The following CEP192 variants were observed in gnomAD, a reference collection of about 807,000 sequenced individuals.
The protein encoded by CEP192 is centrosomal protein of 192 kDa.
Under a neutral mutation model 271.8 loss-of-function variants are expected in CEP192, and 151 were observed. The observed-to-expected ratio is 0.56, with a 90% CI of 0.49 to 0.64. The LOEUF (loss-of-function observed/expected upper bound fraction) is 0.64, where lower values mean the gene tolerates loss of function less well. CEP192 is among the 30% of genes least tolerant of loss of function. The probability of loss-of-function intolerance (pLI) is 0.00; values close to 1 mark genes in which losing one functional copy is unlikely to be tolerated. For synonymous variants in CEP192, 995 were observed against 1,076.5 expected (o/e 0.92, Z 1.48); for missense variants, 2,910 against 3,020.5 (o/e 0.96, Z 0.86).
At chr18:12,997,370 G>C (rs535846772) in intron 1 of CEP192, among the ~76,000 whole-genome samples, 6 of 152,284 alleles carry the variant, frequency 3.9e-5, no homozygotes, top group East Asian at 3.9e-4. Context: ...GGGGCGGCAG[G>C]GGGGAATCTG....
intron 9 of CEP192, among the ~76,000 whole-genome samples, chr18:13,021,798 A>G (rs1313123478): frequency 2.6e-5 from 4 of 152,170 alleles, no homozygotes; most frequent in Non-Finnish European, 4.4e-5. Flanking sequence ...AGTGTTTTGT[A>G]GCTTTCAGTA....
chr18:13,003,296 A>G (rs2033763780), intron 3 of CEP192, among the ~76,000 whole-genome samples: 1 of 151,996 alleles, frequency 6.6e-6, no homozygotes, highest in South Asian at 2.1e-4. Context: ...CAAAAACACA[A>G]AAATTAGCCA....
chr18:13,009,250 G>A (rs2034184631), intron 4 of CEP192, among the ~76,000 whole-genome samples: 1 of 152,016 alleles, frequency 6.6e-6, no homozygotes, highest in Non-Finnish European at 1.5e-5. Context: ...TACTTTTATA[G>A]GAAAGGTCTC....
chr18:13,119,277 ATTC>A (rs2040562039), intron 44 of CEP192, among the ~76,000 whole-genome samples: 1 of 152,204 alleles, frequency 6.6e-6, no homozygotes, highest in East Asian at 1.9e-4. Flanking sequence ...TGCATTATTC[ATTC>A]TGCTTCCTCA....
intron 9 of CEP192, among the ~76,000 whole-genome samples, chr18:13,028,580 C>T (rs539215983): frequency 2.6e-5 from 4 of 152,126 alleles, no homozygotes; most frequent in East Asian, 1.9e-4. Context: ...AGTGCAATGG[C>T]GGGTTCTTGG....
rs1224504175 is a variant in CEP192, at chr18:13,008,462, C to T, written c.297C>T (p.Ile99=). 11 of 1,541,594 alleles carry T rather than the reference C, an allele frequency of 7.1e-6. No homozygotes were observed. Among genetic ancestry groups the T allele is most frequent in the Non-Finnish European group, 9.6e-6 (11 of 1,142,116 alleles). ...CTGTTTCCTAATAAAAAAGTTCTAT[C>T]TCTAGGAAAAAGAGCTATGTGGAAA... is the stretch of plus-strand genomic sequence containing the variant. ...LQLSFQDDDS[I]SRKKSYVESQ... Residue 99 remains isoleucine (I), a synonymous_variant, in exon 4 of 45, where the codon ATC becomes ATT. Transcript: ENST00000506447.
intron 40 of CEP192, among the ~76,000 whole-genome samples, chr18:13,108,121 C>T (rs2040042045): frequency 6.6e-6 from 1 of 152,154 alleles, no homozygotes; most frequent in South Asian, 2.1e-4. Flanking sequence ...AACTGGACCC[C>T]TGCCTTTCAC....
chr18:12,995,211 G>C (rs1025957508), intron 1 of CEP192, among the ~76,000 whole-genome samples: 4 of 151,942 alleles, frequency 2.6e-5, no homozygotes, highest in Non-Finnish European at 4.4e-5. Context: ...ACAGGCGCCC[G>C]CCACCTCGCC....
chr18:13,024,652 G>A (rs1379324580), intron 9 of CEP192, among the ~76,000 whole-genome samples: 3 of 151,928 alleles, frequency 2.0e-5, no homozygotes, highest in Admixed American at 6.6e-5. Flanking sequence ...TAGTGGAGAC[G>A]GGGTTTCACC....
chr18:12,991,646 G>A (rs2032853642), intron 1 of CEP192, among the ~76,000 whole-genome samples: 1 of 152,266 alleles, frequency 6.6e-6, no homozygotes, highest in African/African-American at 2.4e-5. Context: ...GCTGAGCTCC[G>A]CCTGGTTGGG....
At chr18:13,086,473 G>A (rs372013756) in intron 30 of CEP192, among the ~76,000 whole-genome samples, 17 of 152,202 alleles carry the variant, frequency 1.1e-4, no homozygotes, top group African/African-American at 3.4e-4. Flanking sequence ...CAGGTAAGGC[G>A]ACGCCCCACC....
At position 13,067,936 on chromosome 18, in the gene CEP192, A is replaced by G. The variant is rs2037799086; in HGVS notation, c.4594A>G (p.Ile1532Val). The change falls in exon 22 of 45, where the codon ATT becomes GTT. Residue 1532 changes from isoleucine to valine, a missense_variant. Transcript: ENST00000506447. ...LINRTHATVP[I>V]RLIINANAVA... ...AAACCGAACGCATGCCACTGTGCCA[A>G]TTAGACTGATTATTAATGCTGTAAG... 5 of 1,610,578 alleles carry G rather than the reference A, an allele frequency of 3.1e-6. No individual in the cohort carries two copies. In the East Asian group the frequency reaches 6.7e-5, roughly 22 times the overall value.
intron 20 of CEP192, chr18:13,058,433 C>T (rs185632528): frequency 1.3e-5 from 2 of 152,518 alleles, no homozygotes; most frequent in African/African-American, 4.8e-5. Flanking sequence ...CATCGTCTGC[C>T]TGGTAAAATA....
intron 40 of CEP192, among the ~76,000 whole-genome samples, chr18:13,108,096 T>G (rs1372388596): frequency 6.6e-6 from 1 of 152,082 alleles, no homozygotes; most frequent in Non-Finnish European, 1.5e-5. Flanking sequence ...TGGCTAACCA[T>G]ATGGAGAGGA....
intron 36 of CEP192, 89 bp from the exon 37 acceptor site, chr18:13,099,387 A>G: frequency 4.5e-6 from 3 of 664,568 alleles, no homozygotes; most frequent in East Asian, 2.8e-5. Flanking sequence ...GGAAATGGCC[A>G]TTGGCTGGTA....
chr18:13,122,312 C>T (rs2040702704), intron 44 of CEP192, among the ~76,000 whole-genome samples: 1 of 152,354 alleles, frequency 6.6e-6, no homozygotes, highest in East Asian at 1.9e-4. Flanking sequence ...ATCCTAGCTA[C>T]TCAGGAGGCT....
chr18:13,116,298 A>G, intron 42 of CEP192, 79 bp from the exon 43 acceptor site: 1 of 1,304,558 alleles, frequency 7.7e-7, no homozygotes, highest in Admixed American at 2.2e-5. Context: ...ATGCAATACT[A>G]CATAATTTTA....
chr18:13,056,052 T>C lies in CEP192; in HGVS notation c.3462T>C (p.Gly1154=). 1 of 1,614,148 alleles carries C rather than the reference T, an allele frequency of 6.2e-7. No homozygotes were observed. Among genetic ancestry groups the C allele is most frequent in the Non-Finnish European group, 8.5e-7 (1 of 1,180,030 alleles). Reference sequence around the variant, plus strand: ...ATCTGTTGGAAACCAGTGAGGTAGGTTGGACATCAAACCCTGAGGAATTGG... The same window carrying C: ...ATCTGTTGGAAACCAGTGAGGTAGGCTGGACATCAAACCCTGAGGAATTGG... ...SGNLLETSEV[G]WTSNPEELDP... Residue 1154 remains glycine (G), a synonymous_variant, in exon 19 of 45, where the codon GGT becomes GGC. Transcript: ENST00000506447.
At chr18:13,086,640 C>T (rs997766480) in intron 30 of CEP192, among the ~76,000 whole-genome samples, 4 of 152,184 alleles carry the variant, frequency 2.6e-5, no homozygotes, top group African/African-American at 7.2e-5. Flanking sequence ...GCCACCTTGC[C>T]AGCCACCAGT....
Sources: allele counts gnomAD v4.1 joint callset (sites outside exome capture counted in the v4.1 genomes callset), GRCh38; gene constraint gnomAD v4.1.1; transcripts MANE v1.5; gene names NCBI Gene and HGNC (gene_info 2026-07-23, HGNC 2026-07-21).